Variants in LINGO2 observed in about 807,000 individuals in gnomAD.
LINGO2 encodes the protein leucine-rich repeat and immunoglobulin-like domain-containing nogo receptor-interacting protein 2.
LINGO2 carries 14 observed loss-of-function variants against 30.6 expected under a neutral mutation model. That is an observed-to-expected ratio of 0.46 (90% CI 0.30 to 0.72). The LOEUF (loss-of-function observed/expected upper bound fraction) is 0.72, where lower values mean the gene tolerates loss of function less well. Ranked by LOEUF, LINGO2 falls within the 30% of genes least tolerant of loss-of-function variation. LINGO2 has a pLI of 0.07. For synonymous variants in LINGO2, 317 were observed against 288.5 expected, an observed-to-expected ratio of 1.10 and a Z score of -1.00; for missense variants, 729 against 751.7, an observed-to-expected ratio of 0.97 and a Z score of 0.35.
intron 1 of LINGO2, among the ~76,000 whole-genome samples, chr9:28,594,573 T>C (rs568910767): frequency 3.3e-5 from 5 of 152,204 alleles, no homozygotes; most frequent in African/African-American, 9.6e-5. Context: ...ACATTCTTAG[T>C]TGTTTGCTAA....
chr9:28,077,820 A>C (rs1261432928), intron 4 of LINGO2, among the ~76,000 whole-genome samples: 1 of 148,978 alleles, frequency 6.7e-6, no homozygotes, highest in Non-Finnish European at 1.5e-5. Context: ...GTAGAAAAGA[A>C]AGATAAGAAA....
At chr9:27,995,581 TAG>T (rs1351710118) in intron 5 of LINGO2, among the ~76,000 whole-genome samples, 47 of 152,216 alleles carry the variant, frequency 3.1e-4, no homozygotes, top group African/African-American at 1.1e-3. Flanking sequence ...TTAATCACAT[TAG>T]TAGAATCAAG....
At chr9:27,997,981 C>G (rs912538430) in intron 5 of LINGO2, among the ~76,000 whole-genome samples, 1 of 152,104 alleles carries the variant, frequency 6.6e-6, no homozygotes, top group African/African-American at 2.4e-5. Flanking sequence ...AGGTGGACAC[C>G]AGTCTGAATT....
chr9:28,056,042 C>T (rs1490776682), intron 4 of LINGO2, among the ~76,000 whole-genome samples: 1 of 152,230 alleles, frequency 6.6e-6, no homozygotes, highest in Non-Finnish European at 1.5e-5. Flanking sequence ...ACAAAAGAAA[C>T]TATTTTAAAG....
upstream of LINGO2, among the ~76,000 whole-genome samples, chr9:28,671,414 T>C (rs1274321682): frequency 6.7e-6 from 1 of 149,622 alleles, no homozygotes; most frequent in African/African-American, 2.5e-5. Flanking sequence ...ATAAACAAAA[T>C]GTGGTACATA....
chr9:28,045,096 A>G (rs554612078), intron 4 of LINGO2, among the ~76,000 whole-genome samples: 2 of 152,120 alleles, frequency 1.3e-5, no homozygotes, highest in East Asian at 3.9e-4. Context: ...AGAGGAAAAA[A>G]TTGAGACTTT....
At chr9:28,552,356 T>C (rs1822336382) in intron 1 of LINGO2, among the ~76,000 whole-genome samples, 1 of 152,052 alleles carries the variant, frequency 6.6e-6, no homozygotes, top group Admixed American at 6.6e-5. Context: ...GCACGGGAGA[T>C]AAAAGTCTTA....
chr9:28,771,348 A>G, the LINGO2 span, among the ~76,000 whole-genome samples: 25 of 151,938 alleles, frequency 1.6e-4, no homozygotes, highest in South Asian at 8.3e-4. Flanking sequence ...GTTTTCCTCT[A>G]GAATTTACTA....
intron 1 of LINGO2, among the ~76,000 whole-genome samples, chr9:28,590,621 C>G (rs1468049654): frequency 6.6e-6 from 1 of 152,028 alleles, no homozygotes; most frequent in East Asian, 1.9e-4. Context: ...CCATCTCACA[C>G]CAGTCAGAAT....
chr9:28,088,213 C>T (rs1825970090), intron 4 of LINGO2, among the ~76,000 whole-genome samples: 1 of 113,322 alleles, frequency 8.8e-6, no homozygotes, highest in Non-Finnish European at 1.9e-5. Flanking sequence ...TACACACACA[C>T]ACACACACAC....
At chr9:28,536,342 A>G (rs181894933) in intron 1 of LINGO2, among the ~76,000 whole-genome samples, 232 of 152,242 alleles carry the variant, frequency 1.5e-3, no homozygotes, top group Non-Finnish European at 2.7e-3. Context: ...CCTTACATAA[A>G]CAAACACTGG....
chr9:28,865,922 G>A, the LINGO2 span, among the ~76,000 whole-genome samples: 1 of 152,130 alleles, frequency 6.6e-6, no homozygotes, highest in Admixed American at 6.6e-5. Context: ...TCCAGGGTGT[G>A]TTTTTACAAT....
In LINGO2 at chr9:28,148,431, T is replaced by C. The variant is rs1827880442; in HGVS notation, c.-86-136026A>G. On this transcript the variant is annotated intron_variant, in intron 4 of 5. Coordinates refer to ENST00000379992, the Ensembl canonical transcript of LINGO2. The surrounding 1 kb of genome is among the most constrained non-coding windows in gnomAD (Gnocchi z 5.1). ...GTGATCCCAGCCAGGCTCCCGAAGATGGAGGTGAGGGCAGAAGAGCCCAGA... is the reference window on the plus strand; with the variant it reads ...GTGATCCCAGCCAGGCTCCCGAAGACGGAGGTGAGGGCAGAAGAGCCCAGA... The C allele has an allele frequency of 3.8e-5, 51 of 1,330,952 alleles. No individual in the cohort carries two copies. In the South Asian group the frequency reaches 6.2e-4, roughly 16 times the overall value. 82.4% of individuals were successfully genotyped at this position (1,330,952 alleles called of 1,614,324 possible).
chr9:28,725,406 A>T, the LINGO2 span, among the ~76,000 whole-genome samples: 1 of 152,004 alleles, frequency 6.6e-6, no homozygotes, highest in Non-Finnish European at 1.5e-5. Context: ...AAACACAGAT[A>T]GGATTGAAGG....
At chr9:29,192,072 C>T in the LINGO2 span, among the ~76,000 whole-genome samples, 1 of 152,094 alleles carries the variant, frequency 6.6e-6, no homozygotes, top group Non-Finnish European at 1.5e-5. Context: ...ATCTATGATA[C>T]AGTTACCCGC....
chr9:28,767,969 C>T, the LINGO2 span, among the ~76,000 whole-genome samples: 2 of 152,010 alleles, frequency 1.3e-5, no homozygotes, highest in Non-Finnish European at 2.9e-5. Flanking sequence ...TATTTAGTTT[C>T]CTCTCCTTTG....
At chr9:29,009,581 A>G in the LINGO2 span, among the ~76,000 whole-genome samples, 2 of 152,340 alleles carry the variant, frequency 1.3e-5, no homozygotes, top group East Asian at 1.9e-4. Context: ...GGAAGAATCA[A>G]TATCATGAAA....
intron 4 of LINGO2, among the ~76,000 whole-genome samples, chr9:28,219,494 A>T (rs1330389793): frequency 6.6e-6 from 1 of 152,158 alleles, no homozygotes. Context: ...CAATACATTT[A>T]TTTCTCTTGT....
At chr9:28,012,802 C>T (rs932789453) in intron 4 of LINGO2, among the ~76,000 whole-genome samples, 16 of 151,942 alleles carry the variant, frequency 1.1e-4, no homozygotes, top group Admixed American at 1.1e-3. Flanking sequence ...CTTTTCTTCA[C>T]TTTTATGATA....
Sources: gnomAD v4.1 joint callset for allele counts (sites outside exome capture counted in the v4.1 genomes callset) on GRCh38, gnomAD v4.1.1 for gene constraint, Gnocchi (gnomAD v3.1) non-coding constraint, MANE v1.5 for transcripts, NCBI Gene and HGNC (gene_info 2026-07-23, HGNC 2026-07-21) for gene names.